ZNF564: variants seen among roughly 807,000 people sequenced by gnomAD.
ZNF564 encodes the protein zinc finger protein 564.
In ZNF564, 5 loss-of-function variants were observed where a neutral mutation model predicts 10.5. The ratio of observed to expected loss-of-function variants is 0.48; its 90% CI spans 0.25 to 1.00. The LOEUF (loss-of-function observed/expected upper bound fraction) is 1.00. Among genes scored for constraint, ZNF564 ranks in the 50% least tolerant of loss-of-function variants. ZNF564 has a pLI of 0.16. For missense variants in ZNF564, 603 were observed against 669.7 expected, an observed-to-expected ratio of 0.90 and a Z score of 1.10; for synonymous variants, 242 against 218.1, an observed-to-expected ratio of 1.11 and a Z score of -0.97.
At chr19:12,544,729 C>G (rs61560758) in intron 1 of ZNF564, among the ~76,000 whole-genome samples, 1 of 152,196 alleles carries the variant, frequency 6.6e-6, no homozygotes, top group African/African-American at 2.4e-5. Flanking sequence ...AGAACTCCCA[C>G]AGAGTCTCCA....
chr19:12,529,343 C>T (rs559651299), intron 1 of ZNF564, among the ~76,000 whole-genome samples: 5 of 151,896 alleles, frequency 3.3e-5, no homozygotes, highest in African/African-American at 1.2e-4. Flanking sequence ...TGGTGGCTCA[C>T]ACCTGTAATC....
At chr19:12,540,776 C>A (rs546336934) in intron 1 of ZNF564, among the ~76,000 whole-genome samples, 1 of 151,978 alleles carries the variant, frequency 6.6e-6, no homozygotes, top group East Asian at 1.9e-4. Context: ...ATGGTGTGAA[C>A]TCGGGAGGCA....
At chr19:12,533,726 C>CAA (rs1568263279) in intron 1 of ZNF564, among the ~76,000 whole-genome samples, 4 of 10,052 alleles carry the variant, frequency 4.0e-4, no homozygotes, top group African/African-American at 1.5e-3. Context: ...GCTGCTGTCT[C>CAA]CAAAAAAAAA....
At chr19:12,542,148 A>C (rs2022065255) in intron 1 of ZNF564, among the ~76,000 whole-genome samples, 1 of 151,768 alleles carries the variant, frequency 6.6e-6, no homozygotes, top group Admixed American at 6.6e-5. Flanking sequence ...GACTCTACTA[A>C]AAATACAAAA....
At chr19:12,546,517 A>G (rs2022157353) in intron 1 of ZNF564, among the ~76,000 whole-genome samples, 1 of 152,126 alleles carries the variant, frequency 6.6e-6, no homozygotes, top group Admixed American at 6.5e-5. Context: ...TCACGAGGTC[A>G]AGAATCAAGA....
At chr19:12,548,677 A>C in intron 1 of ZNF564, 1 of 633,986 alleles carries the variant, frequency 1.6e-6, no homozygotes, top group Non-Finnish European at 2.8e-6. Context: ...TGAAAAGCAC[A>C]TTTATCTATC....
intron 1 of ZNF564, among the ~76,000 whole-genome samples, chr19:12,538,590 A>C (rs1030647506): frequency 3.9e-5 from 6 of 152,120 alleles, no homozygotes; most frequent in Admixed American, 1.3e-4. Flanking sequence ...GCGCCATTGC[A>C]TTCCAGCCTG....
intron 2 of ZNF564, 31 bp downstream of exon 2, chr19:12,528,539 T>C (rs2079877523): frequency 6.2e-7 from 1 of 1,607,960 alleles, no homozygotes; most frequent in South Asian, 1.1e-5. Context: ...CTTCTCTAAC[T>C]GACTAAAAGA....
At chr19:12,550,959 G>C (rs1285674736) in intron 1 of ZNF564, among the ~76,000 whole-genome samples, 3 of 152,218 alleles carry the variant, frequency 2.0e-5, no homozygotes, top group Non-Finnish European at 4.4e-5. Flanking sequence ...CGATGTACTG[G>C]GAAGGCCACA....
At position 12,526,770 on chromosome 19, in the gene ZNF564, A is replaced by G. The variant is rs781655996; in HGVS notation, c.1338T>C (p.Asp446=). 1.2e-6 allele frequency: 2 copies of G among 1,614,162 alleles called. No individual in the cohort carries two copies. The highest frequency in any genetic ancestry group is 2.2e-5 in the South Asian group (2 of 91,088). ...IRKHMILHTG[D]GPYKCQVCGK... ...CACATACCTGACATTTATAAGGTCCATCTCCAGTGTGCAGTATCATATGTT... is the reference window on the plus strand; with the variant it reads ...CACATACCTGACATTTATAAGGTCCGTCTCCAGTGTGCAGTATCATATGTT... Residue 446 remains aspartate, a synonymous_variant, in exon 4 of 4, where the codon GAT becomes GAC. Transcript: ENST00000339282.
chr19:12,537,748 A>AG (rs1221765477), intron 1 of ZNF564, among the ~76,000 whole-genome samples: 1 of 151,704 alleles, frequency 6.6e-6, no homozygotes, highest in Non-Finnish European at 1.5e-5. Flanking sequence ...CAAAAAAAAA[A>AG]AAAAAGAAAA....
In ZNF564 at chr19:12,525,628, G is replaced by A. The variant is rs2021667324; in HGVS notation, c.*818C>T. 1 of 152,166 alleles carries A rather than the reference G, an allele frequency of 6.6e-6. No individual in the cohort carries two copies. The highest frequency in any genetic ancestry group is 2.4e-5 in the African/African-American group (1 of 41,428). 9.4% of individuals were successfully genotyped at this position (152,166 alleles called of 1,614,324 possible). A position where few individuals can be genotyped will look rare whatever the true frequency, so the allele number is the denominator to read the frequency against. ...ATTGGCCATCTGGGTATCTTCTTTG[G>A]AGAAATGTCTATTCAAGTCCTTTCC... On this transcript the variant is annotated 3_prime_UTR_variant, in exon 4 of 4. Coordinates refer to ENST00000339282, the MANE Select transcript of ZNF564 (RefSeq NM_144976.4).
Position 12,526,222 on chromosome 19 carries a change from C to G in ZNF564, c.*224G>C, listed in dbSNP as rs1270572382. On this transcript the variant is annotated 3_prime_UTR_variant, in exon 4 of 4. Coordinates refer to ENST00000339282, the MANE Select transcript of ZNF564 (RefSeq NM_144976.4). ...TCACATCACTCAGATATGGATGAGACTCAATTCATGCTGAGGCAAAATTCT... is the reference window on the plus strand; with the variant it reads ...TCACATCACTCAGATATGGATGAGAGTCAATTCATGCTGAGGCAAAATTCT... 2.3e-5 allele frequency: 11 copies of G among 471,192 alleles called. No individual in the cohort carries two copies. The East Asian group carries it at 3.8e-4, about 16-fold the overall frequency. The allele number at this position is 471,192 out of a possible 1,614,324, so 29.2% of individuals were successfully genotyped here.
At chr19:12,533,586 GT>G (rs2021849110) in intron 1 of ZNF564, among the ~76,000 whole-genome samples, 1 of 152,004 alleles carries the variant, frequency 6.6e-6, no homozygotes, top group Non-Finnish European at 1.5e-5. Context: ...AATTAGCTGG[GT>G]GTGGTGGCGC....
chr19:12,540,651 GCC>G (rs2022026036), intron 1 of ZNF564, among the ~76,000 whole-genome samples: 3 of 152,016 alleles, frequency 2.0e-5, no homozygotes, highest in East Asian at 1.9e-4. Flanking sequence ...TCAGGAGATC[GCC>G]ACCATCCTGG....
chr19:12,532,459 CG>C (rs1219652691), intron 1 of ZNF564, among the ~76,000 whole-genome samples: 1 of 134,178 alleles, frequency 7.5e-6, no homozygotes, highest in Non-Finnish European at 1.5e-5. Flanking sequence ...GGCGTGAACC[CG>C]GAAGGCGGAG....
rs554346118 is a variant in ZNF564, at chr19:12,527,818, G to A, written c.290C>T (p.Pro97Leu). The A allele has an allele frequency of 5.6e-6, 9 of 1,614,108 alleles. No individual in the cohort carries two copies. The highest frequency in any genetic ancestry group is 5.3e-5 in the African/African-American group (4 of 75,042). ...ACATTCACATGGTCTTACTATAGTA[G>A]GAATTTTCTTGTTCAGATTAAGATT... is the stretch of plus-strand genomic sequence containing the variant. Reference protein sequence around the residue: ...ILNLNLNKKIPTIVRPCECSL... With the variant: ...ILNLNLNKKILTIVRPCECSL... Residue 97 changes from proline to leucine, a missense_variant, in exon 4 of 4, where the codon CCT becomes CTT. By Grantham distance (98) the Pro-to-Leu change is moderately conservative. Transcript: ENST00000339282.
intron 1 of ZNF564, among the ~76,000 whole-genome samples, chr19:12,538,570 A>T (rs1370919997): frequency 6.6e-6 from 1 of 152,170 alleles, no homozygotes; most frequent in Admixed American, 6.6e-5. Context: ...GGTTGCAGTG[A>T]GCCAAGATTG....
At chr19:12,545,210 C>G (rs2022127567) in intron 1 of ZNF564, among the ~76,000 whole-genome samples, 1 of 139,996 alleles carries the variant, frequency 7.1e-6, no homozygotes, top group Non-Finnish European at 1.5e-5. Context: ...TGTGGTGAGC[C>G]AAGATCGCAC....
Sources: gnomAD v4.1 joint callset for allele counts (sites outside exome capture counted in the v4.1 genomes callset) on GRCh38, gnomAD v4.1.1 for gene constraint, MANE v1.5 for transcripts, NCBI Gene and HGNC (gene_info 2026-07-23, HGNC 2026-07-21) for gene names.